SCMH1: variants seen among roughly 807,000 people sequenced by gnomAD.
The protein encoded by SCMH1 is polycomb protein SCMH1.
SCMH1 carries 37 observed loss-of-function variants against 70.8 expected under a neutral mutation model. That is an observed-to-expected ratio of 0.52 (90% confidence interval 0.40 to 0.69). SCMH1 has a LOEUF of 0.69. Ranked by LOEUF, SCMH1 falls within the 30% of genes least tolerant of loss-of-function variation. The pLI, the probability that SCMH1 is intolerant of heterozygous loss-of-function variation, is 0.00. For synonymous variants in SCMH1, 292 were observed against 307.4 expected, an observed-to-expected ratio of 0.95 and a Z score of 0.52; for missense variants, 607 against 827.3, an observed-to-expected ratio of 0.73 and a Z score of 3.27.
intron 12 of SCMH1, among the ~76,000 whole-genome samples, chr1:41,042,819 G>A (rs958139403): frequency 6.6e-6 from 1 of 152,050 alleles, no homozygotes; most frequent in Non-Finnish European, 1.5e-5. Context: ...GTATAGAATC[G>A]GGCACAGAGT....
rs144867949 is a variant in SCMH1 at position 41,050,485 on chromosome 1, A to T, written c.1106-1595T>A. ...TGCTCTCTGAGGATTCTCCACCTTC[A>T]TAATTCTAATTCTAAGGAGAACCAA... is the stretch of plus-strand genomic sequence containing the variant. On this transcript the variant is annotated intron_variant, in intron 10 of 14. Transcript: ENST00000337495. Among the ~76,000 whole-genome samples the T allele has an allele frequency of 3.9e-5, 6 of 152,346 alleles. No individual in the cohort carries two copies. The East Asian group carries it at 1.2e-3, about 29-fold the overall frequency.
chr1:41,184,130 T>TA (rs1649553665), intron 2 of SCMH1, among the ~76,000 whole-genome samples: 1 of 152,194 alleles, frequency 6.6e-6, no homozygotes, highest in Admixed American at 6.5e-5. Flanking sequence ...TAATTAATTT[T>TA]AAAAAATAAA....
At position 41,208,435 on chromosome 1, in the gene SCMH1, T is replaced by A. The variant is rs201570806; in HGVS notation, c.-117-22185A>T. Among the ~76,000 whole-genome samples, 428 of 129,724 alleles carry A rather than the reference T, an allele frequency of 3.3e-3. 5 individuals are homozygous for A. The highest frequency in any genetic ancestry group is 0.01 in the African/African-American group (402 of 39,180). The allele number at this position is 129,724 out of a possible 152,430, so 85.1% of individuals were successfully genotyped here. On this transcript the variant is annotated intron_variant, in intron 1 of 14. Transcript: ENST00000337495. ...AAAACTTAGAGTATAAGAAAAAAAT[T>A]AAAAAAAAAAAATAAAAAATAAAAG...
Position 41,106,800 on chromosome 1 carries a change from C to T in SCMH1, c.745+6483G>A, listed in dbSNP as rs558838115. 2.6e-5 allele frequency among the ~76,000 whole-genome samples: 4 copies of T among 151,956 alleles called. No individual in the cohort carries two copies. In the South Asian group the frequency reaches 8.3e-4, roughly 32 times the overall value. ...TGCCTCCCAGGTTCAAGCGATTCTC[C>T]TGCCTCAGCCTCCCGAGTAGCAGGG... On this transcript the variant is annotated intron_variant, in intron 8 of 14. Transcript: ENST00000337495.
chr1:41,086,022 G>A (rs1380882326), intron 8 of SCMH1, among the ~76,000 whole-genome samples: 2 of 151,810 alleles, frequency 1.3e-5, no homozygotes, highest in African/African-American at 2.4e-5. Flanking sequence ...TGTATTTTTA[G>A]TAGAGATAGG....
chr1:41,203,672 G>A (rs1654875522), intron 1 of SCMH1, among the ~76,000 whole-genome samples: 1 of 152,210 alleles, frequency 6.6e-6, no homozygotes. Flanking sequence ...GGCCCACCCA[G>A]GGCAGAAAAC....
intron 8 of SCMH1, among the ~76,000 whole-genome samples, chr1:41,087,526 A>AG (rs1662081769): frequency 6.6e-6 from 1 of 152,104 alleles, no homozygotes; most frequent in Admixed American, 6.5e-5. Flanking sequence ...AAAGAAAAAA[A>AG]AAAGATAAAA....
intron 8 of SCMH1, among the ~76,000 whole-genome samples, chr1:41,085,933 T>C (rs1661515217): frequency 6.7e-6 from 1 of 148,218 alleles, no homozygotes; most frequent in Admixed American, 6.9e-5. Flanking sequence ...CTCTGCCTCC[T>C]GGGTTCAAGC....
chr1:41,146,904 G>T (rs1644631077), intron 5 of SCMH1, among the ~76,000 whole-genome samples: 3 of 151,910 alleles, frequency 2.0e-5, no homozygotes. Flanking sequence ...TTTTTTTAAT[G>T]AATCAAAATT....
chr1:41,106,054 T>C (rs1465462362), intron 8 of SCMH1, among the ~76,000 whole-genome samples: 1 of 151,628 alleles, frequency 6.6e-6, no homozygotes, highest in Non-Finnish European at 1.5e-5. Flanking sequence ...TTTGTATTTT[T>C]AGTAGAGACA....
intron 1 of SCMH1, among the ~76,000 whole-genome samples, chr1:41,199,658 T>C (rs1557803778): frequency 6.7e-6 from 1 of 149,402 alleles, no homozygotes; most frequent in Non-Finnish European, 1.5e-5. Flanking sequence ...TACTTGTTTA[T>C]AAGTGGGAGC....
intron 1 of SCMH1, among the ~76,000 whole-genome samples, chr1:41,227,086 A>G (rs904496172): frequency 6.6e-6 from 1 of 152,234 alleles, no homozygotes; most frequent in African/African-American, 2.4e-5. Flanking sequence ...AAAATCCTTC[A>G]GTGGCTTTCC....
intron 8 of SCMH1, among the ~76,000 whole-genome samples, chr1:41,078,209 G>A (rs1303751981): frequency 6.6e-6 from 1 of 151,946 alleles, no homozygotes; most frequent in East Asian, 1.9e-4. Flanking sequence ...AGTACAGTGA[G>A]AAAATATGAA....
At chr1:41,036,378 C>G (rs1003389447) in intron 13 of SCMH1, among the ~76,000 whole-genome samples, 1 of 152,188 alleles carries the variant, frequency 6.6e-6, no homozygotes, top group African/African-American at 2.4e-5. Flanking sequence ...CATCTAGAAA[C>G]CTGGGAGACA....
At chr1:41,205,825 G>T (rs1054648431) in intron 1 of SCMH1, among the ~76,000 whole-genome samples, 11 of 152,222 alleles carry the variant, frequency 7.2e-5, no homozygotes, top group Admixed American at 7.2e-4. Context: ...AGCTTCCAGA[G>T]AAAGGATCAG....
At chr1:41,116,782 C>T (rs1670569832) in intron 7 of SCMH1, 140 bp downstream of exon 7, 2 of 531,472 alleles carry the variant, frequency 3.8e-6, no homozygotes, top group Non-Finnish European at 6.6e-6. Context: ...GGGATAATTG[C>T]TGCTTCATAA....
chr1:41,208,288 A>AG (rs1009053387), intron 1 of SCMH1, among the ~76,000 whole-genome samples: 1 of 98,062 alleles, frequency 1.0e-5, no homozygotes, highest in African/African-American at 3.9e-5. Flanking sequence ...GGGTCGGGGG[A>AG]GGGGGGAGGG....
chr1:41,086,549 A>ACTGCCCCTGCCCTGCC (rs1661724212), intron 8 of SCMH1, among the ~76,000 whole-genome samples: 1 of 147,114 alleles, frequency 6.8e-6, no homozygotes, highest in African/African-American at 2.4e-5. Flanking sequence ...ACCTTTCCCC[A>ACTGCCCCTGCCCTGCC]CTGCCCCTGC....
At chr1:41,068,496 C>T (rs937957571) in intron 10 of SCMH1, among the ~76,000 whole-genome samples, 3 of 152,174 alleles carry the variant, frequency 2.0e-5, no homozygotes, top group African/African-American at 7.2e-5. Flanking sequence ...AACTCCACCT[C>T]CTCGGCTCAA....
Sources: gnomAD v4.1 joint callset for allele counts (sites outside exome capture counted in the v4.1 genomes callset) on GRCh38, gnomAD v4.1.1 for gene constraint, MANE v1.5 for transcripts, NCBI Gene and HGNC (gene_info 2026-07-23, HGNC 2026-07-21) for gene names.